Variants in FTCDNL1 observed in about 807,000 individuals in gnomAD.
The protein encoded by FTCDNL1 is formiminotransferase N-terminal subdomain-containing protein.
FTCDNL1 carries 11 observed loss-of-function variants against 5.9 expected under a neutral mutation model. That is an observed-to-expected ratio of 1.87 (90% CI 1.18 to 3.10). The LOEUF is 3.10. Ranked by LOEUF, FTCDNL1 falls within the 30% of genes most tolerant of loss-of-function variation. The pLI is 0.00. For synonymous variants in FTCDNL1, 58 were observed against 24.8 expected, an observed-to-expected ratio of 2.34 and a Z score of -3.99; for missense variants, 115 against 65.5, an observed-to-expected ratio of 1.76 and a Z score of -2.61.
At chr2:199,776,962 G>GTGTATA (rs1699118783) in intron 3 of FTCDNL1, among the ~76,000 whole-genome samples, 1 of 29,152 alleles carries the variant, frequency 3.4e-5, no homozygotes, top group Non-Finnish European at 1.2e-4. Context: ...GTGTATATGT[G>GTGTATA]TGTGTGTGTG....
At chr2:199,701,323 A>ACCACCAC in the FTCDNL1 span, among the ~76,000 whole-genome samples, 1 of 15,194 alleles carries the variant, frequency 6.6e-5, no homozygotes, top group African/African-American at 6.9e-4. Context: ...AAAAAAAAAA[A>ACCACCAC]AAAAAAAAAA....
chr2:199,734,158 G>A, the FTCDNL1 span, among the ~76,000 whole-genome samples: 1 of 152,268 alleles, frequency 6.6e-6, no homozygotes, highest in African/African-American at 2.4e-5. Context: ...ACACAAAAAC[G>A]TAGGCAGTGG....
the FTCDNL1 span, among the ~76,000 whole-genome samples, chr2:199,731,230 A>G: frequency 6.6e-6 from 1 of 152,282 alleles, no homozygotes; most frequent in African/African-American, 2.4e-5. Context: ...CAATGGGACA[A>G]ACACCTAACA....
chr2:199,830,598 C>G (rs1189453949), intron 3 of FTCDNL1, among the ~76,000 whole-genome samples: 24 of 152,110 alleles, frequency 1.6e-4, no homozygotes, highest in Non-Finnish European at 2.9e-5. Flanking sequence ...TGTGACCATC[C>G]CACTAGACTC....
chr2:199,688,424 C>A, the FTCDNL1 span, among the ~76,000 whole-genome samples: 6,853 of 152,080 alleles, frequency 0.045, 537 homozygotes, highest in African/African-American at 0.16. Context: ...AAACTTAGGG[C>A]AAGTCTAGGA....
intron 4 of FTCDNL1, among the ~76,000 whole-genome samples, chr2:199,813,580 AAC>A (rs1701161746): frequency 1.3e-5 from 2 of 152,166 alleles, no homozygotes. Flanking sequence ...AGTTTGAATA[AAC>A]AGATTCTTTT....
chr2:199,697,662 A>G, the FTCDNL1 span, among the ~76,000 whole-genome samples: 1 of 152,194 alleles, frequency 6.6e-6, no homozygotes, highest in African/African-American at 2.4e-5. Flanking sequence ...ACTGTTACCA[A>G]CCACCATAAA....
chr2:199,723,982 T>G, the FTCDNL1 span, among the ~76,000 whole-genome samples: 4 of 152,220 alleles, frequency 2.6e-5, no homozygotes, highest in Non-Finnish European at 5.9e-5. Context: ...TTTGCACCTC[T>G]GGCAGAATTT....
chr2:199,693,978 A>T, the FTCDNL1 span, among the ~76,000 whole-genome samples: 1 of 152,170 alleles, frequency 6.6e-6, no homozygotes, highest in Non-Finnish European at 1.5e-5. Flanking sequence ...GTGGGAAATG[A>T]CCCCAACAAC....
At chr2:199,732,478 A>G in the FTCDNL1 span, among the ~76,000 whole-genome samples, 1 of 152,238 alleles carries the variant, frequency 6.6e-6, no homozygotes, top group Non-Finnish European at 1.5e-5. Flanking sequence ...ATATTGTAAT[A>G]ACAAAAAAGT....
chr2:199,820,419 C>A (rs868377311), intron 3 of FTCDNL1, among the ~76,000 whole-genome samples: 3 of 151,906 alleles, frequency 2.0e-5, no homozygotes, highest in Non-Finnish European at 4.4e-5. Context: ...GCCTGGGCAA[C>A]ATAGTTAGAC....
chr2:199,805,314 A>T (rs1700664804), downstream of FTCDNL1, among the ~76,000 whole-genome samples: 1 of 152,194 alleles, frequency 6.6e-6, no homozygotes, highest in African/African-American at 2.4e-5. Flanking sequence ...AAAGTAGAGT[A>T]TGGGGCCAGG....
the FTCDNL1 span, among the ~76,000 whole-genome samples, chr2:199,711,248 C>T: frequency 6.7e-6 from 1 of 149,492 alleles, no homozygotes; most frequent in Non-Finnish European, 1.5e-5. Flanking sequence ...CACAGTTTTT[C>T]ATATAAGAAG....
intron 3 of FTCDNL1, among the ~76,000 whole-genome samples, chr2:199,836,989 G>A (rs1702790601): frequency 6.6e-6 from 1 of 152,186 alleles, no homozygotes; most frequent in South Asian, 2.1e-4. Flanking sequence ...TTGTAGCAGA[G>A]CCACAGTAAG....
intron 3 of FTCDNL1, among the ~76,000 whole-genome samples, chr2:199,841,896 G>A (rs1298015192): frequency 3.3e-5 from 5 of 152,042 alleles, no homozygotes; most frequent in African/African-American, 7.2e-5. Context: ...TAATTTTCTT[G>A]CTTAAAACAC....
the FTCDNL1 span, among the ~76,000 whole-genome samples, chr2:199,672,320 T>G: frequency 6.6e-6 from 1 of 152,060 alleles, no homozygotes; most frequent in Non-Finnish European, 1.5e-5. Flanking sequence ...CACAAAAAAA[T>G]GGGAATAAAA....
chr2:199,789,120 T>C (rs1216580527), intron 3 of FTCDNL1, among the ~76,000 whole-genome samples: 1 of 151,522 alleles, frequency 6.6e-6, no homozygotes, highest in Non-Finnish European at 1.5e-5. Flanking sequence ...AGAAAAAAAG[T>C]GAAAGTTCTT....
chr2:199,719,447 G>T, the FTCDNL1 span, among the ~76,000 whole-genome samples: 15,087 of 152,156 alleles, frequency 0.099, 1,030 homozygotes, highest in Middle Eastern at 0.26. Context: ...ATAATTTGAA[G>T]TCAGGTAAAT....
intron 3 of FTCDNL1, among the ~76,000 whole-genome samples, chr2:199,764,891 C>T (rs1158659624): frequency 6.6e-6 from 1 of 152,148 alleles, no homozygotes. Flanking sequence ...CCCAGGCATT[C>T]AGACCTTCGC....
Sources: gnomAD v4.1 joint callset for allele counts (sites outside exome capture counted in the v4.1 genomes callset) on GRCh38, gnomAD v4.1.1 for gene constraint, MANE v1.5 for transcripts, NCBI Gene and HGNC (gene_info 2026-07-23, HGNC 2026-07-21) for gene names.